Variants in WWOX observed in about 807,000 individuals in gnomAD.
WWOX encodes the protein WW domain containing oxidoreductase, also known as WW domain-containing oxidoreductase.
A neutral mutation model predicts 46.2 loss-of-function variants in WWOX; 69 were observed. That is an observed-to-expected ratio of 1.49 (90% CI 1.23 to 1.82). The LOEUF (loss-of-function observed/expected upper bound fraction) is 1.82, where lower values mean the gene tolerates loss of function less well. WWOX is among the 40% of genes most tolerant of loss of function. The pLI is 0.00. For missense variants in WWOX, 919 were observed against 542.6 expected (o/e 1.69, Z -6.89); for synonymous variants, 359 against 202.6 (o/e 1.77, Z -6.56).
intron 8 of WWOX, among the ~76,000 whole-genome samples, chr16:79,044,333 C>G (rs117193173): frequency 0.014 from 2,131 of 152,308 alleles, 24 homozygotes; most frequent in South Asian, 0.051. Flanking sequence ...AAAAGGTAAT[C>G]TGCAGCGTTG....
intron 6 of WWOX, among the ~76,000 whole-genome samples, chr16:78,409,368 A>G (rs1175176143): frequency 6.6e-6 from 1 of 152,098 alleles, no homozygotes; most frequent in African/African-American, 2.4e-5. Context: ...TACTGTAGTC[A>G]TACCTGCTCC....
intron 8 of WWOX, among the ~76,000 whole-genome samples, chr16:78,465,120 G>T (rs922628083): frequency 1.3e-5 from 2 of 152,182 alleles, no homozygotes; most frequent in African/African-American, 2.4e-5. Context: ...CTTTGACTCA[G>T]TTACCTCCCA....
intron 5 of WWOX, among the ~76,000 whole-genome samples, chr16:78,214,500 A>T (rs569681218): frequency 3.3e-5 from 5 of 152,046 alleles, no homozygotes; most frequent in South Asian, 4.2e-4. Context: ...TCCAAGTCTG[A>T]TCTCCTCCCG....
At chr16:78,118,981 A>G (rs2032956713) in intron 4 of WWOX, 1 of 152,140 alleles carries the variant, frequency 6.6e-6, no homozygotes, top group African/African-American at 2.4e-5. Context: ...AACTTTGTAG[A>G]TTGAAAGCTG....
chr16:78,176,104 T>G (rs572752882), intron 5 of WWOX, among the ~76,000 whole-genome samples: 15 of 152,328 alleles, frequency 9.8e-5, no homozygotes, highest in Non-Finnish European at 2.1e-4. Flanking sequence ...CTCCCTCATA[T>G]TGAAGGCAGA....
intron 8 of WWOX, among the ~76,000 whole-genome samples, chr16:79,081,553 C>G (rs2048760698): frequency 6.6e-6 from 1 of 152,218 alleles, no homozygotes; most frequent in Non-Finnish European, 1.5e-5. Flanking sequence ...CTCAACTCTG[C>G]TATCTGCTCT....
At chr16:78,606,478 T>G (rs1204246696) in intron 8 of WWOX, among the ~76,000 whole-genome samples, 2 of 151,806 alleles carry the variant, frequency 1.3e-5, no homozygotes, top group Non-Finnish European at 2.9e-5. Context: ...GGGTGCTTGA[T>G]GCCCTGCTCC....
intron 5 of WWOX, among the ~76,000 whole-genome samples, chr16:78,271,031 C>T (rs760341231): frequency 2.0e-5 from 3 of 151,908 alleles, no homozygotes; most frequent in Non-Finnish European, 4.4e-5. Flanking sequence ...TAATTTGGGG[C>T]GATTCAATAT....
rs1198216061 is a variant in WWOX, at chr16:79,147,638, A to G, written c.1057-63970A>G. On this transcript the variant is annotated intron_variant, in intron 8 of 8. Transcript: ENST00000566780. The stretch of plus-strand genomic sequence containing the variant: ...GAATGCAATTGGTGGGTTGTAGGGT[A>G]ATGACATGATTAGTTTGTATAAGAA... Among the ~76,000 whole-genome samples, 3 of 152,186 alleles carry G rather than the reference A, an allele frequency of 2.0e-5. No homozygotes were observed. In the East Asian group the frequency reaches 5.8e-4, roughly 29 times the overall value.
intron 5 of WWOX, among the ~76,000 whole-genome samples, chr16:78,316,169 C>T (rs1380836037): frequency 6.6e-6 from 1 of 152,002 alleles, no homozygotes; most frequent in South Asian, 2.1e-4. Context: ...CGCCTTGAAC[C>T]TGGGAGGTGG....
At chr16:78,606,425 T>TACA (rs1181686156) in intron 8 of WWOX, among the ~76,000 whole-genome samples, 1 of 152,060 alleles carries the variant, frequency 6.6e-6, no homozygotes, top group East Asian at 1.9e-4. Flanking sequence ...CTACATGCTT[T>TACA]TCAGAAGTTG....
intron 8 of WWOX, among the ~76,000 whole-genome samples, chr16:78,739,779 C>T (rs547444602): frequency 3.3e-5 from 5 of 152,132 alleles, no homozygotes; most frequent in African/African-American, 4.8e-5. Context: ...CCATTGCACT[C>T]CAGCCTGGGC....
chr16:78,258,339 A>C (rs2038184766), intron 5 of WWOX, among the ~76,000 whole-genome samples: 1 of 152,318 alleles, frequency 6.6e-6, no homozygotes, highest in South Asian at 2.1e-4. Context: ...GGCTATATAC[A>C]CTGAATGTAG....
At chr16:78,909,972 A>C (rs1351182829) in intron 8 of WWOX, among the ~76,000 whole-genome samples, 1 of 152,212 alleles carries the variant, frequency 6.6e-6, no homozygotes, top group Non-Finnish European at 1.5e-5. Context: ...AAAAGAATGC[A>C]ATTCCACCTA....
intron 8 of WWOX, among the ~76,000 whole-genome samples, chr16:79,208,873 A>G (rs450829): frequency 0.47 from 71,841 of 152,072 alleles, 18,032 homozygotes; most frequent in Non-Finnish European, 0.57. Context: ...TGTGGTGTGT[A>G]TGGGACCAAC....
At chr16:78,484,346 G>A (rs1403609011) in intron 8 of WWOX, among the ~76,000 whole-genome samples, 3 of 151,864 alleles carry the variant, frequency 2.0e-5, no homozygotes, top group Non-Finnish European at 2.9e-5. Context: ...TTTTTTCCAA[G>A]TATACCTATT....
At chr16:78,913,979 A>C (rs2045179977) in intron 8 of WWOX, among the ~76,000 whole-genome samples, 1 of 151,994 alleles carries the variant, frequency 6.6e-6, no homozygotes, top group Non-Finnish European at 1.5e-5. Flanking sequence ...TATTCCAGAC[A>C]AGAAATTGTA....
chr16:78,194,088 C>A (rs560330277), intron 5 of WWOX, among the ~76,000 whole-genome samples: 2 of 151,432 alleles, frequency 1.3e-5, no homozygotes, highest in African/African-American at 4.8e-5. Context: ...CTGAAGTAGC[C>A]GGGATGGTCT....
chr16:78,991,437 T>TA (rs759615701), intron 8 of WWOX, among the ~76,000 whole-genome samples: 139 of 151,616 alleles, frequency 9.2e-4, no homozygotes, highest in Non-Finnish European at 1.5e-3. Flanking sequence ...CTATAAATAA[T>TA]AAAAAAATTA....
Sources: allele counts gnomAD v4.1 joint callset (sites outside exome capture counted in the v4.1 genomes callset), GRCh38; gene constraint gnomAD v4.1.1; transcripts MANE v1.5; gene names NCBI Gene and HGNC (gene_info 2026-07-23, HGNC 2026-07-21).